The following LRRTM4 variants were observed in gnomAD, a reference collection of about 807,000 sequenced individuals.
The protein encoded by LRRTM4 is leucine-rich repeat transmembrane neuronal protein 4.
LRRTM4 carries 25 observed loss-of-function variants against 47.6 expected under a neutral mutation model. The ratio of observed to expected loss-of-function variants is 0.53; its 90% CI spans 0.38 to 0.73. The LOEUF is 0.73. Ranked by LOEUF, LRRTM4 falls within the 30% of genes least tolerant of loss-of-function variation. The pLI is 0.00. For missense variants in LRRTM4, 638 were observed against 713.4 expected (o/e 0.89, Z 1.20); for synonymous variants, 311 against 269.5 (o/e 1.15, Z -1.51).
At chr2:76,807,461 T>TATATATATACATATATATATATAC (rs1558667591) in intron 3 of LRRTM4, among the ~76,000 whole-genome samples, 2 of 100,580 alleles carry the variant, frequency 2.0e-5, no homozygotes, top group African/African-American at 9.4e-5. Flanking sequence ...TATATATACA[T>TATATATATACATATATATATATAC]ATATATATAC....
intron 3 of LRRTM4, among the ~76,000 whole-genome samples, chr2:76,856,555 T>C (rs1471336423): frequency 1.3e-5 from 2 of 152,116 alleles, no homozygotes; most frequent in East Asian, 3.9e-4. Flanking sequence ...AATCCTGCTT[T>C]GTGTTTAAAA....
intron 3 of LRRTM4, among the ~76,000 whole-genome samples, chr2:77,062,147 T>G (rs905044129): frequency 6.6e-6 from 1 of 152,164 alleles, no homozygotes; most frequent in Non-Finnish European, 1.5e-5. Flanking sequence ...TTTTTCTTTT[T>G]TGGGGGGTGG....
In LRRTM4 at chr2:77,217,029, C is replaced by T. The variant is rs559968855; in HGVS notation, c.1551+301289G>A. ...CAGAGGTTGCGGTGAGCCGAGATTG[C>T]GCCACTGCACTGCAGCCTGGGCGAC... On this transcript the variant is annotated intron_variant, in intron 3 of 3. Coordinates refer to ENST00000409884, the MANE Select transcript of LRRTM4 (RefSeq NM_001134745.3). Among the ~76,000 whole-genome samples, 150 of 149,166 alleles carry T rather than the reference C, an allele frequency of 1.0e-3. 2 individuals carry two copies. The highest frequency in any genetic ancestry group is 3.4e-3 in the African/African-American group (135 of 40,296).
chr2:77,389,737 T>C (rs1486925522), intron 3 of LRRTM4, among the ~76,000 whole-genome samples: 1 of 151,942 alleles, frequency 6.6e-6, no homozygotes, highest in African/African-American at 2.4e-5. Context: ...TCCCACCCCA[T>C]CACCCCACAA....
intron 3 of LRRTM4, among the ~76,000 whole-genome samples, chr2:77,251,261 A>G (rs1277598595): frequency 6.8e-6 from 1 of 146,968 alleles, no homozygotes; most frequent in African/African-American, 2.5e-5. Flanking sequence ...ATATATATAT[A>G]CACACACACA....
chr2:76,808,642 A>AG, intron 3 of LRRTM4, among the ~76,000 whole-genome samples: 1 of 152,200 alleles, frequency 6.6e-6, no homozygotes, highest in East Asian at 1.9e-4. Context: ...ATTTTCTTAA[A>AG]GGTAAAAACC....
At chr2:76,918,466 T>C (rs1674326931) in intron 3 of LRRTM4, among the ~76,000 whole-genome samples, 1 of 152,214 alleles carries the variant, frequency 6.6e-6, no homozygotes, top group African/African-American at 2.4e-5. Context: ...AAGATACATT[T>C]GTCTAATAGT....
At chr2:77,109,597 T>G (rs1172511857) in intron 3 of LRRTM4, among the ~76,000 whole-genome samples, 1 of 152,066 alleles carries the variant, frequency 6.6e-6, no homozygotes, top group Non-Finnish European at 1.5e-5. Context: ...GGGAGACACA[T>G]TCTAACAAAT....
intron 3 of LRRTM4, among the ~76,000 whole-genome samples, chr2:76,831,903 A>T (rs1558681926): frequency 6.6e-6 from 1 of 152,102 alleles, no homozygotes; most frequent in Non-Finnish European, 1.5e-5. Context: ...GCATACCCAC[A>T]TACCCTTTTG....
chr2:77,170,212 A>G (rs955023318), intron 3 of LRRTM4, among the ~76,000 whole-genome samples: 13 of 152,146 alleles, frequency 8.5e-5, no homozygotes, highest in African/African-American at 3.1e-4. Context: ...AAGAGTGGGA[A>G]GAGGAAGGCA....
chr2:76,847,279 T>C (rs1406868029), intron 3 of LRRTM4, among the ~76,000 whole-genome samples: 1 of 152,208 alleles, frequency 6.6e-6, no homozygotes, highest in East Asian at 1.9e-4. Flanking sequence ...TCTGCTAGAC[T>C]TAATGTTGTA....
intron 3 of LRRTM4, among the ~76,000 whole-genome samples, chr2:76,878,852 T>C (rs973623463): frequency 1.3e-5 from 2 of 151,848 alleles, no homozygotes; most frequent in Non-Finnish European, 2.9e-5. Flanking sequence ...CCAGCCTGGA[T>C]GAAAGAGCAA....
In LRRTM4 at chr2:76,934,845, CAT is replaced by C. The variant is rs575230105; in HGVS notation, c.1552-185931_1552-185930del. ...TAGACATTTACTCAGAAAGGAAAAA[CAT>C]AGAAGGTATTCAGCAGTGTATCAGC... On this transcript the variant is annotated intron_variant, in intron 3 of 3. Transcript: ENST00000409884. 4.6e-5 allele frequency among the ~76,000 whole-genome samples: 7 copies of C among 152,044 alleles called. No homozygotes were observed. In the South Asian group the frequency reaches 1.2e-3, roughly 27 times the overall value.
intron 3 of LRRTM4, among the ~76,000 whole-genome samples, chr2:77,166,125 T>G (rs1672877255): frequency 6.6e-6 from 1 of 152,138 alleles, no homozygotes; most frequent in Non-Finnish European, 1.5e-5. Context: ...GGATATAAAA[T>G]TAATGTGCAA....
intron 3 of LRRTM4, among the ~76,000 whole-genome samples, chr2:77,032,451 G>GC (rs1215404263): frequency 6.6e-6 from 1 of 151,824 alleles, no homozygotes; most frequent in African/African-American, 2.4e-5. Context: ...AGATTATGAG[G>GC]TTCATGACAA....
chr2:76,947,896 C>T (rs1675374637), intron 3 of LRRTM4, among the ~76,000 whole-genome samples: 1 of 151,836 alleles, frequency 6.6e-6, no homozygotes, highest in South Asian at 2.1e-4. Flanking sequence ...TGCAAGGCGA[C>T]TCCCCAAATC....
chr2:77,059,795 A>G (rs1302199998), intron 3 of LRRTM4, among the ~76,000 whole-genome samples: 2 of 152,186 alleles, frequency 1.3e-5, no homozygotes, highest in African/African-American at 4.8e-5. Context: ...CCCACATCTT[A>G]AAGTCGCTTT....
chr2:77,128,938 T>A (rs1386865752), intron 3 of LRRTM4, among the ~76,000 whole-genome samples: 8 of 152,168 alleles, frequency 5.3e-5, no homozygotes, highest in Non-Finnish European at 1.2e-4. Context: ...CCACACCCCA[T>A]CTACGCTGAC....
chr2:76,779,279 G>A (rs1196890254), intron 3 of LRRTM4, among the ~76,000 whole-genome samples: 9 of 151,116 alleles, frequency 6.0e-5, no homozygotes, highest in Admixed American at 1.3e-4. Context: ...TATTAGGTCT[G>A]CTTGGTGCAG....
Sources: gnomAD v4.1 joint callset for allele counts (sites outside exome capture counted in the v4.1 genomes callset) on GRCh38, gnomAD v4.1.1 for gene constraint, MANE v1.5 for transcripts, NCBI Gene and HGNC (gene_info 2026-07-23, HGNC 2026-07-21) for gene names.